ITPRID1: variants seen among roughly 807,000 people sequenced by gnomAD.
ITPRID1 encodes the protein ITPR interacting domain containing 1.
A neutral mutation model predicts 95.4 loss-of-function variants in ITPRID1; 96 were observed. The observed-to-expected ratio is 1.01, with a 90% CI of 0.85 to 1.19. The LOEUF is 1.19. Among genes scored for constraint, ITPRID1 ranks in the 50% most tolerant of loss-of-function variants. The probability of loss-of-function intolerance (pLI) is 0.00; values close to 1 mark genes in which losing one functional copy is unlikely to be tolerated. For synonymous variants in ITPRID1, 510 were observed against 453.6 expected (o/e 1.12, Z -1.58); for missense variants, 1,339 against 1,252.9 (o/e 1.07, Z -1.04).
downstream of ITPRID1, chr7:31,658,204 A>G: frequency 7.9e-6 from 11 of 1,386,618 alleles, no homozygotes; most frequent in Non-Finnish European, 1.0e-5. Flanking sequence ...TTTTTAGCCC[A>G]CAGAAGAACA....
At chr7:31,529,572 C>G in intron 1 of ITPRID1, 1 of 519,780 alleles carries the variant, frequency 1.9e-6, no homozygotes, top group Non-Finnish European at 3.4e-6. Flanking sequence ...TAGAGAGAAT[C>G]ACTTTGTGTC....
intron 14 of ITPRID1, 94 bp downstream of exon 14, chr7:31,652,144 T>A: frequency 3.0e-6 from 3 of 993,442 alleles, no homozygotes; most frequent in Non-Finnish European, 4.6e-6. Flanking sequence ...CATTTCAGAA[T>A]CTAGGTTTAC....
intron 10 of ITPRID1, among the ~76,000 whole-genome samples, chr7:31,600,816 C>T (rs1272874221): frequency 6.6e-6 from 1 of 152,166 alleles, no homozygotes; most frequent in East Asian, 1.9e-4. Context: ...CAGGAAGTTG[C>T]TTCTTCCTGG....
At chr7:31,641,085 G>C (rs772791882) in intron 10 of ITPRID1, among the ~76,000 whole-genome samples, 1 of 152,136 alleles carries the variant, frequency 6.6e-6, no homozygotes, top group Non-Finnish European at 1.5e-5. Flanking sequence ...CACATGGACC[G>C]TTAAGGCTCT....
At position 31,653,187 on chromosome 7, in the gene ITPRID1, C is replaced by A. The variant is rs1791110940; in HGVS notation, c.*358C>A. 2 of 216,870 alleles carry A rather than the reference C, an allele frequency of 9.2e-6. No individual in the cohort carries two copies. The highest frequency in any genetic ancestry group is 5.1e-5 in the Admixed American group (1 of 19,562). 13.4% of individuals were successfully genotyped at this position (216,870 alleles called of 1,614,324 possible). A position where few individuals can be genotyped will look rare whatever the true frequency, so the allele number is the denominator to read the frequency against. ...GTTTATTTTGCCAAGGTTAAGGATACACACCCAGAAGACAGGTCTGTGCCT... is the reference window on the plus strand; with the variant it reads ...GTTTATTTTGCCAAGGTTAAGGATAAACACCCAGAAGACAGGTCTGTGCCT... On this transcript the variant is annotated 3_prime_UTR_variant, in exon 15 of 15. Transcript: ENST00000615280.
intron 1 of ITPRID1, among the ~76,000 whole-genome samples, chr7:31,545,116 T>C (rs1784055432): frequency 6.6e-6 from 1 of 151,982 alleles, no homozygotes; most frequent in Non-Finnish European, 1.5e-5. Context: ...CAGAAGTAGG[T>C]TAGAGTCAGG....
intron 10 of ITPRID1, among the ~76,000 whole-genome samples, chr7:31,629,919 T>C (rs188911981): frequency 6.6e-6 from 1 of 152,172 alleles, no homozygotes; most frequent in African/African-American, 2.4e-5. Context: ...AGGCAAAGTC[T>C]AAAGAATTGT....
At chr7:31,602,677 A>C (rs1343528355) in intron 10 of ITPRID1, among the ~76,000 whole-genome samples, 1 of 152,090 alleles carries the variant, frequency 6.6e-6, no homozygotes, top group Non-Finnish European at 1.5e-5. Flanking sequence ...AGTGGAAGGG[A>C]ATGGACAGGA....
At chr7:31,595,345 T>TACAC (rs58632355) in intron 10 of ITPRID1, among the ~76,000 whole-genome samples, 26,416 of 147,040 alleles carry the variant, frequency 0.18, 2,786 homozygotes, top group East Asian at 0.3. Flanking sequence ...ATGCCCGGCC[T>TACAC]ACACACACAC....
intron 5 of ITPRID1, among the ~76,000 whole-genome samples, chr7:31,564,205 A>C (rs1000978929): frequency 1.3e-5 from 2 of 152,180 alleles, no homozygotes; most frequent in Non-Finnish European, 2.9e-5. Context: ...TGCAGGGTTA[A>C]GTGCGGTGTC....
In ITPRID1 at chr7:31,553,205, G is replaced by A. The variant is rs780222183; in HGVS notation, c.163+18G>A. 2.4e-5 allele frequency: 38 copies of A among 1,552,470 alleles called. No individual in the cohort carries two copies. The highest frequency in any genetic ancestry group is 3.3e-5 in the Non-Finnish European group (38 of 1,148,134). On this transcript the variant is annotated intron_variant, in intron 3 of 14. Transcript: ENST00000615280. ...CATGCTGGGTGAGAAGGACTCTCAGGCCTATTTGAAAACATTCCTCTGTGA... is the reference window on the plus strand; with the variant it reads ...CATGCTGGGTGAGAAGGACTCTCAGACCTATTTGAAAACATTCCTCTGTGA...
At chr7:31,515,618 T>C (rs1017232906) in intron 1 of ITPRID1, among the ~76,000 whole-genome samples, 26 of 152,146 alleles carry the variant, frequency 1.7e-4, no homozygotes, top group Non-Finnish European at 3.5e-4. Context: ...CAAATGTATC[T>C]ACTTGGACAT....
intron 10 of ITPRID1, among the ~76,000 whole-genome samples, chr7:31,611,118 T>G (rs1023798305): frequency 6.6e-6 from 1 of 151,574 alleles, no homozygotes; most frequent in Non-Finnish European, 1.5e-5. Flanking sequence ...TTTATTATAT[T>G]TTTTAAGTTA....
chr7:31,580,995 C>G (rs1354497213), intron 9 of ITPRID1, among the ~76,000 whole-genome samples: 1 of 152,158 alleles, frequency 6.6e-6, no homozygotes, highest in Non-Finnish European at 1.5e-5. Context: ...ATTTGTTTCA[C>G]TCAATACCAG....
intron 10 of ITPRID1, among the ~76,000 whole-genome samples, chr7:31,603,688 G>A (rs762392604): frequency 1.4e-4 from 21 of 152,050 alleles, no homozygotes; most frequent in Non-Finnish European, 2.4e-4. Flanking sequence ...TGAATTCAAG[G>A]TCTTTCTTAT....
intron 10 of ITPRID1, among the ~76,000 whole-genome samples, chr7:31,590,357 G>A (rs1320434922): frequency 1.3e-5 from 2 of 152,106 alleles, no homozygotes; most frequent in African/African-American, 4.8e-5. Context: ...AACTAAGTGG[G>A]AAAAGAAAAA....
chr7:31,542,441 C>T (rs1305772763), intron 1 of ITPRID1, among the ~76,000 whole-genome samples: 1 of 152,034 alleles, frequency 6.6e-6, no homozygotes, highest in African/African-American at 2.4e-5. Context: ...TTGTAAACAC[C>T]CCTTTCTTTA....
intron 10 of ITPRID1, among the ~76,000 whole-genome samples, chr7:31,606,087 GTA>G (rs1002399758): frequency 2.0e-5 from 3 of 152,278 alleles, no homozygotes; most frequent in Admixed American, 2.0e-4. Context: ...TCATTAAAAT[GTA>G]TAGAGTTGGT....
At chr7:31,607,122 T>G (rs371507445) in intron 10 of ITPRID1, among the ~76,000 whole-genome samples, 1 of 152,158 alleles carries the variant, frequency 6.6e-6, no homozygotes, top group South Asian at 2.1e-4. Context: ...TCCAACAATT[T>G]TATTAGATTC....
Sources: gnomAD v4.1 joint callset for allele counts (sites outside exome capture counted in the v4.1 genomes callset) on GRCh38, gnomAD v4.1.1 for gene constraint, MANE v1.5 for transcripts, NCBI Gene and HGNC (gene_info 2026-07-23, HGNC 2026-07-21) for gene names.